Variants in BPTF observed in about 807,000 individuals in gnomAD.
The protein encoded by BPTF is bromodomain PHD finger transcription factor, also known as nucleosome-remodeling factor subunit BPTF.
BPTF carries 18 observed loss-of-function variants against 292.5 expected under a neutral mutation model. The observed-to-expected ratio is 0.06, with a 90% CI of 0.04 to 0.09. The LOEUF (loss-of-function observed/expected upper bound fraction) is 0.09. Among genes scored for constraint, BPTF ranks in the 10% least tolerant of loss-of-function variants. The pLI, the probability that BPTF is intolerant of heterozygous loss-of-function variation, is 1.00. For synonymous variants in BPTF, 1,225 were observed against 1,251.9 expected (o/e 0.98, Z 0.45); for missense variants, 2,726 against 3,498.7 (o/e 0.78, Z 5.57).
rs752419938 is a variant in BPTF, at chr17:67,829,641, GA to G, written c.613+3311del. On this transcript the variant is annotated intron_variant, in intron 1 of 27. Transcript: ENST00000306378. ...CTGTCAGGTAAATGTGTAGATAGAAGAAAAAAAGTTTTAGAACTGGTTTAAG... is the reference window on the plus strand; with the variant it reads ...CTGTCAGGTAAATGTGTAGATAGAAGAAAAAAGTTTTAGAACTGGTTTAAG... Among the ~76,000 whole-genome samples the G allele has an allele frequency of 1.5e-4, 23 of 152,124 alleles. No individual in the cohort carries two copies. The East Asian group carries it at 2.7e-3, about 18-fold the overall frequency.
intron 13 of BPTF, among the ~76,000 whole-genome samples, chr17:67,921,753 C>T (rs148162772): frequency 2.4e-4 from 37 of 152,026 alleles, no homozygotes; most frequent in African/African-American, 8.7e-4. Flanking sequence ...AAACAGCGGC[C>T]AGGTGCGGTG....
intron 1 of BPTF, 89 bp from the exon 2 acceptor site, chr17:67,853,851 G>T (rs1250232869): frequency 2.5e-5 from 23 of 907,810 alleles, no homozygotes; most frequent in Non-Finnish European, 3.9e-5. Flanking sequence ...ATGTACTTAT[G>T]TATTTTAGGG....
intron 27 of BPTF, among the ~76,000 whole-genome samples, chr17:67,978,887 A>G (rs1555695456): frequency 6.6e-6 from 1 of 152,172 alleles, no homozygotes; most frequent in Non-Finnish European, 1.5e-5. Flanking sequence ...GTGTAAGTGT[A>G]CCCTGTTAGC....
intron 19 of BPTF, among the ~76,000 whole-genome samples, chr17:67,943,861 T>C (rs1433085346): frequency 6.6e-6 from 1 of 152,190 alleles, no homozygotes; most frequent in Non-Finnish European, 1.5e-5. Context: ...ATTCAATACC[T>C]TTATTTTATA....
intron 23 of BPTF, among the ~76,000 whole-genome samples, chr17:67,953,415 T>C (rs1249023982): frequency 6.9e-6 from 1 of 144,380 alleles, no homozygotes; most frequent in Non-Finnish European, 1.5e-5. Flanking sequence ...ACCACTGCAC[T>C]CGGCTAATTT....
Position 67,911,639 on chromosome 17 carries a change from C to T in BPTF, c.3755C>T (p.Ala1252Val), listed in dbSNP as rs2080059293. 2 of 1,614,122 alleles carry T rather than the reference C, an allele frequency of 1.2e-6. No individual in the cohort carries two copies. The highest frequency in any genetic ancestry group is 1.7e-6 in the Non-Finnish European group (2 of 1,180,028). ...SDTIVSSSKS[A>V]LHSSVPKSTN... ...ACCATTGTTTCTTCTTCCAAGAGTG[C>T]TTTACATTCATCAGTGCCTAAAAGT... Residue 1252 changes from alanine (A) to valine (V), a missense_variant, in exon 11 of 28, where the codon GCT (alanine) becomes GTT (valine). By Grantham distance (64) the Ala-to-Val change is moderately conservative. Transcript: ENST00000306378.
intron 8 of BPTF, 124 bp from the exon 9 acceptor site, chr17:67,904,578 G>T (rs2062054664): frequency 1.5e-6 from 1 of 687,600 alleles, no homozygotes; most frequent in South Asian, 4.1e-5. Context: ...AAAAACCTGG[G>T]GATGATTAGT....
chr17:67,935,576 G>A (rs948783906), intron 18 of BPTF, among the ~76,000 whole-genome samples: 6 of 152,112 alleles, frequency 3.9e-5, no homozygotes, highest in African/African-American at 4.8e-5. Context: ...ACAGAATTAG[G>A]AATGAAAAAG....
At chr17:67,882,430 C>T (rs1483735127) in intron 4 of BPTF, among the ~76,000 whole-genome samples, 1 of 152,156 alleles carries the variant, frequency 6.6e-6, no homozygotes, top group African/African-American at 2.4e-5. Context: ...TCTTTGTTTA[C>T]ATTTGTATAT....
In BPTF at chr17:67,832,849, G is replaced by A. The variant is rs149722054; in HGVS notation, c.613+6512G>A. On this transcript the variant is annotated intron_variant, in intron 1 of 27. Transcript: ENST00000306378. ...GTCACCTGGGCTGGAGTGGAGTGGC[G>A]GGATCTCAGCTCACTGCAACCTCCA... is the stretch of plus-strand genomic sequence containing the variant. Among the ~76,000 whole-genome samples the A allele has an allele frequency of 9.4e-3, 1,390 of 147,628 alleles. 30 individuals carry two copies. The highest frequency in any genetic ancestry group is 0.034 in the African/African-American group (1,334 of 39,782).
chr17:67,869,827 C>CAAAAAAAAA (rs772941425), intron 3 of BPTF, among the ~76,000 whole-genome samples: 812 of 54,524 alleles, frequency 0.015, no homozygotes, highest in Non-Finnish European at 0.019. Flanking sequence ...ACTAAAAATA[C>CAAAAAAAAA]AAAAAAAAAA....
intron 17 of BPTF, 117 bp downstream of exon 17, chr17:67,929,604 G>A: frequency 8.2e-7 from 1 of 1,224,276 alleles, no homozygotes; most frequent in Non-Finnish European, 1.1e-6. Flanking sequence ...CTGAATCTGT[G>A]ACAGAGTACT....
At chr17:67,937,738 T>A (rs1466236189) in intron 18 of BPTF, among the ~76,000 whole-genome samples, 1 of 128,974 alleles carries the variant, frequency 7.8e-6, no homozygotes, top group African/African-American at 2.9e-5. Context: ...AGGTGGAGGG[T>A]GGGTGGGTAT....
Position 67,920,161 on chromosome 17 carries a change from A to C in BPTF, c.5557+18A>C, listed in dbSNP as rs539109781. On this transcript the variant is annotated intron_variant, in intron 13 of 27. Transcript: ENST00000306378. Reference sequence around the variant, plus strand: ...ACCAAAAGGTAAGAAATAGAATTCTATTCTTTCATGATTAACCTGTTAACC... The same window carrying C: ...ACCAAAAGGTAAGAAATAGAATTCTCTTCTTTCATGATTAACCTGTTAACC... The C allele has an allele frequency of 6.2e-7, 1 of 1,603,488 alleles. No homozygotes were observed. The highest frequency in any genetic ancestry group is 8.5e-7 in the Non-Finnish European group (1 of 1,173,436).
At chr17:67,969,327 G>T (rs912553033) in intron 26 of BPTF, among the ~76,000 whole-genome samples, 3 of 150,092 alleles carry the variant, frequency 2.0e-5, no homozygotes, top group Non-Finnish European at 4.4e-5. Context: ...GGTGGCGGGT[G>T]CCTGTACCCA....
At chr17:67,906,470 A>T (rs2062205812) in intron 9 of BPTF, among the ~76,000 whole-genome samples, 1 of 152,180 alleles carries the variant, frequency 6.6e-6, no homozygotes, top group African/African-American at 2.4e-5. Context: ...TGCTCTTTTA[A>T]AAGATCATGT....
chr17:67,827,982 A>C (rs1014482732), intron 1 of BPTF, among the ~76,000 whole-genome samples: 3 of 139,052 alleles, frequency 2.2e-5, no homozygotes, highest in Non-Finnish European at 4.5e-5. Context: ...TCTGGGCTGG[A>C]GTGCAGTGTC....
At position 67,843,204 on chromosome 17, in the gene BPTF, G is replaced by C. The variant is rs185075474; in HGVS notation, c.614-10736G>C. On this transcript the variant is annotated intron_variant, in intron 1 of 27. Transcript: ENST00000306378. ...GATATCTACATACATCTACATACAT[G>C]TAGATGTATGTAGATATATACCTAT... 2.1e-4 allele frequency among the ~76,000 whole-genome samples: 27 copies of C among 125,814 alleles called. No homozygotes were observed. The East Asian group carries it at 2.2e-3, about 10-fold the overall frequency. The allele number at this position is 125,814 out of a possible 152,430, so 82.5% of individuals were successfully genotyped here. A position where few individuals can be genotyped will look rare whatever the true frequency, so the allele number is the denominator to read the frequency against.
At chr17:67,918,342 A>G (rs761505916) in intron 11 of BPTF, among the ~76,000 whole-genome samples, 9 of 152,108 alleles carry the variant, frequency 5.9e-5, no homozygotes, top group Non-Finnish European at 1.0e-4. Flanking sequence ...ACAATTATCT[A>G]TTTCTCTATA....
Sources: allele counts gnomAD v4.1 joint callset (sites outside exome capture counted in the v4.1 genomes callset), GRCh38; gene constraint gnomAD v4.1.1; transcripts MANE v1.5; gene names NCBI Gene and HGNC (gene_info 2026-07-23, HGNC 2026-07-21).